The following APLP2 variants were observed in gnomAD, a reference collection of about 807,000 sequenced individuals.
APLP2 encodes the protein amyloid beta precursor like protein 2.
APLP2 carries 53 observed loss-of-function variants against 89.9 expected under a neutral mutation model. The observed-to-expected ratio is 0.59, with a 90% CI of 0.47 to 0.74. APLP2 has a LOEUF of 0.74. APLP2 is among the 30% of genes least tolerant of loss of function. The pLI, the probability that APLP2 is intolerant of heterozygous loss-of-function variation, is 0.00. For synonymous variants in APLP2, 372 were observed against 348.6 expected (o/e 1.07, Z -0.75); for missense variants, 973 against 975.9 (o/e 1.00, Z 0.04).
chr11:130,141,606 G>A lies in APLP2; in HGVS notation c.1998+34G>A. On this transcript the variant is annotated intron_variant, in intron 15 of 16. Transcript: ENST00000338167. The surrounding 1 kb of genome is among the most constrained non-coding windows in gnomAD (Gnocchi z 4.2). ...TTAGCTCCAGAACCTAAGGTTTCCT[G>A]CCAATCTTAGGTATTTCTCCTCTGG... 6.3e-7 allele frequency: 1 copy of A among 1,586,606 alleles called. No individual in the cohort carries two copies. Among genetic ancestry groups the A allele is most frequent in the Admixed American group, 1.7e-5 (1 of 59,832 alleles).
At chr11:130,113,715 C>G (rs1256948711) in intron 3 of APLP2, among the ~76,000 whole-genome samples, 1 of 150,452 alleles carries the variant, frequency 6.6e-6, no homozygotes, top group Non-Finnish European at 1.5e-5. Flanking sequence ...TGGCCACCAC[C>G]TTTTCCCCCC....
intron 1 of APLP2, among the ~76,000 whole-genome samples, chr11:130,093,870 C>T (rs898903668): frequency 1.3e-5 from 2 of 151,876 alleles, no homozygotes; most frequent in East Asian, 1.9e-4. Flanking sequence ...CAGCCTCCCG[C>T]GTAGCTGGAA....
rs568030811 is a variant in APLP2, at chr11:130,111,047, C to A, written c.403+386C>A. Among the ~76,000 whole-genome samples the A allele has an allele frequency of 9.2e-5, 14 of 152,230 alleles. No homozygotes were observed. The South Asian group carries it at 2.7e-3, about 29-fold the overall frequency. ...ACTTTCATCCCACACACGTTTGCAC[C>A]ATTTGACCAAATTTCTGCTAGTTTT... On this transcript the variant is annotated intron_variant, in intron 3 of 16. Coordinates refer to ENST00000338167, the MANE Select transcript of APLP2 (RefSeq NM_001142276.2).
At chr11:130,094,275 A>T (rs549334612) in intron 1 of APLP2, among the ~76,000 whole-genome samples, 2 of 139,968 alleles carry the variant, frequency 1.4e-5, no homozygotes, top group South Asian at 2.3e-4. Context: ...CTGTTCTCGA[A>T]CTCCCAACCT....
intron 3 of APLP2, among the ~76,000 whole-genome samples, chr11:130,118,365 T>G (rs911623787): frequency 2.6e-5 from 4 of 152,206 alleles, no homozygotes; most frequent in African/African-American, 9.6e-5. Context: ...CAATAGTTTC[T>G]GTTCTAAGCT....
In APLP2 at chr11:130,112,659, C is replaced by G. The variant is rs145656579; in HGVS notation, c.403+1998C>G. 9.1e-4 allele frequency among the ~76,000 whole-genome samples: 138 copies of G among 152,242 alleles called. 3 individuals are homozygous for G. The East Asian group carries it at 0.025, about 27-fold the overall frequency. ...CCACTGCCCTAGCTCAGCCTGTGGT[C>G]AGTTCTTGTCTGGGCCGAGAGCAGC... On this transcript the variant is annotated intron_variant, in intron 3 of 16. Transcript: ENST00000338167.
chr11:130,093,633 A>G (rs1945755708), intron 1 of APLP2, among the ~76,000 whole-genome samples: 2 of 152,254 alleles, frequency 1.3e-5, no homozygotes, highest in South Asian at 2.1e-4. Flanking sequence ...GTCCAGGCCA[A>G]CAGGGCCACT....
intron 3 of APLP2, among the ~76,000 whole-genome samples, chr11:130,117,250 T>G (rs956278974): frequency 6.6e-6 from 1 of 152,282 alleles, no homozygotes; most frequent in African/African-American, 2.4e-5. Context: ...TAGTGGCATT[T>G]AATTTTATGG....
intron 1 of APLP2, among the ~76,000 whole-genome samples, chr11:130,097,694 A>T (rs75494876): frequency 6.6e-6 from 1 of 152,208 alleles, no homozygotes; most frequent in East Asian, 1.9e-4. Flanking sequence ...AACAACAACA[A>T]AATACCCACA....
intron 1 of APLP2, among the ~76,000 whole-genome samples, chr11:130,073,387 C>T (rs1363197080): frequency 6.6e-6 from 1 of 152,032 alleles, no homozygotes; most frequent in Non-Finnish European, 1.5e-5. Flanking sequence ...TAAAGTTGGT[C>T]CTGCATATGT....
intron 11 of APLP2, 100 bp downstream of exon 11, chr11:130,130,266 T>A: frequency 2.8e-6 from 4 of 1,447,602 alleles, no homozygotes; most frequent in Non-Finnish European, 3.8e-6. Context: ...TTGCATTTGC[T>A]ACTAGTCCTT....
intron 1 of APLP2, among the ~76,000 whole-genome samples, chr11:130,087,847 G>A (rs1325854521): frequency 6.6e-6 from 1 of 152,074 alleles, no homozygotes; most frequent in African/African-American, 2.4e-5. Context: ...AAAAAATCCT[G>A]CTGGGCTATT....
rs117409250 is a variant in APLP2 at position 130,118,357 on chromosome 11, A to G, written c.404-2349A>G. On this transcript the variant is annotated intron_variant, in intron 3 of 16. Transcript: ENST00000338167. ...AAACAACAAACCCACATGTGGAACA[A>G]TAGTTTCTGTTCTAAGCTTTTCTTG... 2.2e-4 allele frequency among the ~76,000 whole-genome samples: 33 copies of G among 152,324 alleles called. 2 individuals carry two copies. In the East Asian group the frequency reaches 6.0e-3, roughly 28 times the overall value.
At chr11:130,102,872 G>C (rs1947130080) in intron 1 of APLP2, among the ~76,000 whole-genome samples, 2 of 152,204 alleles carry the variant, frequency 1.3e-5, no homozygotes, top group Non-Finnish European at 2.9e-5. Flanking sequence ...TTCTTATTAA[G>C]AATGAATTAT....
At chr11:130,104,533 A>C (rs1042095216) in intron 1 of APLP2, among the ~76,000 whole-genome samples, 1 of 152,092 alleles carries the variant, frequency 6.6e-6, no homozygotes, top group African/African-American at 2.4e-5. Flanking sequence ...TGCATCTTGA[A>C]CTAAGTGTGA....
At chr11:130,127,884 G>A in intron 9 of APLP2, 44 bp downstream of exon 9, 2 of 1,548,522 alleles carry the variant, frequency 1.3e-6, no homozygotes, top group Non-Finnish European at 8.9e-7. Flanking sequence ...CCTGACCATT[G>A]GAAAATACGG....
intron 1 of APLP2, among the ~76,000 whole-genome samples, chr11:130,089,608 G>T (rs545321465): frequency 6.6e-6 from 1 of 152,274 alleles, no homozygotes; most frequent in East Asian, 1.9e-4. Context: ...GTGTTTGTTT[G>T]CTAGAGCTGC....
chr11:130,086,247 G>A (rs1056707915), intron 1 of APLP2, among the ~76,000 whole-genome samples: 3 of 152,144 alleles, frequency 2.0e-5, no homozygotes, highest in African/African-American at 7.2e-5. Context: ...GGCGTGGAGC[G>A]GTGTCTTATT....
chr11:130,075,356 TC>T (rs1268293240), intron 1 of APLP2, among the ~76,000 whole-genome samples: 1 of 152,168 alleles, frequency 6.6e-6, no homozygotes, highest in East Asian at 1.9e-4. Context: ...ACATAACTAA[TC>T]TATTTTTTTA....
Sources: allele counts gnomAD v4.1 joint callset (sites outside exome capture counted in the v4.1 genomes callset), GRCh38; gene constraint gnomAD v4.1.1; non-coding constraint Gnocchi (gnomAD v3.1); transcripts MANE v1.5; gene names NCBI Gene and HGNC (gene_info 2026-07-23, HGNC 2026-07-21).